The following FHIP2A variants were observed in gnomAD, a reference collection of about 807,000 sequenced individuals.
FHIP2A encodes family with sequence similarity 160 member B1.
In FHIP2A, 46 loss-of-function variants were observed where a neutral mutation model predicts 93.5. The observed-to-expected ratio is 0.49, with a 90% CI of 0.39 to 0.63. The LOEUF (loss-of-function observed/expected upper bound fraction) is 0.63, where lower values mean the gene tolerates loss of function less well. Among genes scored for constraint, FHIP2A ranks in the 20% least tolerant of loss-of-function variants. FHIP2A has a pLI of 0.00. For synonymous variants in FHIP2A, 332 were observed against 326.5 expected (o/e 1.02, Z -0.18); for missense variants, 769 against 909.7 (o/e 0.85, Z 1.99).
intron 16 of FHIP2A, among the ~76,000 whole-genome samples, chr10:114,877,455 A>G (rs548514533): frequency 3.9e-5 from 6 of 152,210 alleles, no homozygotes; most frequent in African/African-American, 1.2e-4. Flanking sequence ...TACTGTCAGT[A>G]TAATTATATA....
intron 16 of FHIP2A, among the ~76,000 whole-genome samples, chr10:114,884,036 T>G (rs2083929951): frequency 1.3e-5 from 2 of 152,236 alleles, no homozygotes; most frequent in African/African-American, 4.8e-5. Context: ...TATTTCACTA[T>G]GTAATATGCC....
At chr10:114,841,467 A>G (rs1418267050) in intron 5 of FHIP2A, among the ~76,000 whole-genome samples, 1 of 151,534 alleles carries the variant, frequency 6.6e-6, no homozygotes, top group East Asian at 1.9e-4. Context: ...TAATTTTTGT[A>G]TTTTTAGTAG....
rs529263326 is a variant in FHIP2A at position 114,824,490 on chromosome 10, C to A, written c.45+2367C>A. Among the ~76,000 whole-genome samples, 3 of 152,284 alleles carry A rather than the reference C, an allele frequency of 2.0e-5. No homozygotes were observed. The East Asian group carries it at 5.8e-4, about 29-fold the overall frequency. On this transcript the variant is annotated intron_variant, in intron 1 of 16. Transcript: ENST00000369248. ...ATTGCATTTAGAAGTGTAATGTTTTCATTTGCTTAGACCTAATGTTTTCAT... is the reference window on the plus strand; with the variant it reads ...ATTGCATTTAGAAGTGTAATGTTTTAATTTGCTTAGACCTAATGTTTTCAT...
At chr10:114,835,968 A>T (rs1453130634) in intron 4 of FHIP2A, among the ~76,000 whole-genome samples, 156 bp from the exon 5 acceptor site, 1 of 152,176 alleles carries the variant, frequency 6.6e-6, no homozygotes, top group Non-Finnish European at 1.5e-5. Flanking sequence ...GTTTATTTTG[A>T]TATAGATAAT....
chr10:114,843,329 G>A (rs1465418555), intron 6 of FHIP2A, 103 bp downstream of exon 6: 2 of 754,150 alleles, frequency 2.7e-6, no homozygotes, highest in Non-Finnish European at 3.6e-6. Context: ...TTTTTGAGAT[G>A]GAGTCTTGCT....
intron 16 of FHIP2A, among the ~76,000 whole-genome samples, chr10:114,892,743 A>G (rs10885625): frequency 0.11 from 16,819 of 152,214 alleles, 1,138 homozygotes; most frequent in East Asian, 0.2. Flanking sequence ...AACAACAGAA[A>G]ATCGTTAAAG....
At position 114,870,853 on chromosome 10, in the gene FHIP2A, A is replaced by G. The variant is rs570472731; in HGVS notation, c.2192+9519A>G. ...TTGTGTTGCTAGGCTAGGACGCTAC[A>G]AACTACATTTCTCCTTTGCTAACTG... On this transcript the variant is annotated intron_variant, in intron 16 of 16. Coordinates refer to the FHIP2A transcript ENST00000369250. Among the ~76,000 whole-genome samples, 4 of 152,242 alleles carry G rather than the reference A, an allele frequency of 2.6e-5. No individual in the cohort carries two copies. In the East Asian group the frequency reaches 7.7e-4, roughly 29 times the overall value.
At chr10:114,890,129 G>T (rs1320422805) in intron 16 of FHIP2A, among the ~76,000 whole-genome samples, 1 of 152,122 alleles carries the variant, frequency 6.6e-6, no homozygotes, top group Non-Finnish European at 1.5e-5. Flanking sequence ...CCAGGTTCAA[G>T]AAATTCTTGG....
chr10:114,836,284 A>G (rs766863899), intron 5 of FHIP2A, 38 bp downstream of exon 5: 4 of 1,473,364 alleles, frequency 2.7e-6, no homozygotes, highest in Non-Finnish European at 1.9e-6. Context: ...AACTGTAGTT[A>G]TATTAAGATC....
At position 114,845,867 on chromosome 10, in the gene FHIP2A, A is replaced by G. The variant is rs1372815478; in HGVS notation, c.1129-146A>G. The stretch of plus-strand genomic sequence containing the variant: ...ACCCAGTAGCCAACATCTAATCTAG[A>G]TTTATATGCCACCAATAAGAGGGTC... On this transcript the variant is annotated intron_variant, in intron 8 of 16. Transcript: ENST00000369248. The G allele has an allele frequency of 1.1e-5, 7 of 639,398 alleles. 1 individual carries two copies. The highest frequency in any genetic ancestry group is 1.9e-5 in the Non-Finnish European group (7 of 371,810). The allele number at this position is 639,398 out of a possible 1,614,324, so 39.6% of individuals were successfully genotyped here.
chr10:114,891,537 ATGTGTG>A (rs34032569), intron 16 of FHIP2A, among the ~76,000 whole-genome samples: 2,784 of 137,164 alleles, frequency 0.02, 86 homozygotes, highest in African/African-American at 0.071. Flanking sequence ...ATATATATAT[ATGTGTG>A]TGTGTGTGTG....
Position 114,821,877 on chromosome 10 carries a change from C to G in FHIP2A, c.-202C>G. ...GCCCTCCTCGCCGCCCGCCGCGTCC[C>G]GGCGCCCTCCGGAGCCGCCGAGCCG... On this transcript the variant is annotated 5_prime_UTR_variant, in exon 1 of 17. Transcript: ENST00000369248. 1 of 288,170 alleles carries G rather than the reference C, an allele frequency of 3.5e-6. No individual in the cohort carries two copies. 17.9% of individuals were successfully genotyped at this position (288,170 alleles called of 1,614,324 possible).
intron 7 of FHIP2A, among the ~76,000 whole-genome samples, chr10:114,844,532 T>C (rs1332609356): frequency 6.6e-6 from 1 of 152,224 alleles, no homozygotes; most frequent in Non-Finnish European, 1.5e-5. Flanking sequence ...TCTTTCTTTT[T>C]TCCACTCTAT....
intron 1 of FHIP2A, among the ~76,000 whole-genome samples, chr10:114,827,562 C>T (rs991279216): frequency 3.3e-5 from 5 of 152,134 alleles, no homozygotes; most frequent in Non-Finnish European, 7.3e-5. Flanking sequence ...CTTTGGGAGG[C>T]CAAGGCGGGC....
intron 16 of FHIP2A, among the ~76,000 whole-genome samples, chr10:114,878,593 A>T (rs867463552): frequency 1.3e-5 from 2 of 152,256 alleles, no homozygotes; most frequent in Middle Eastern, 3.4e-3. Flanking sequence ...AGCCTGGCCA[A>T]CATGGCGAAA....
intron 16 of FHIP2A, among the ~76,000 whole-genome samples, chr10:114,879,565 G>A (rs2083906472): frequency 6.6e-6 from 1 of 152,186 alleles, no homozygotes; most frequent in Non-Finnish European, 1.5e-5. Context: ...ATTTCTGTCT[G>A]TTGAATCTCC....
At chr10:114,842,434 T>A (rs1384641018) in intron 5 of FHIP2A, among the ~76,000 whole-genome samples, 1 of 152,162 alleles carries the variant, frequency 6.6e-6, no homozygotes, top group Non-Finnish European at 1.5e-5. Context: ...TGAGAGAATT[T>A]GGGGGCTTTT....
At position 114,861,622 on chromosome 10, in the gene FHIP2A, A is replaced by T; in HGVS notation, c.*82A>T. 6.5e-7 allele frequency: 1 copy of T among 1,531,806 alleles called. No homozygotes were observed. Among genetic ancestry groups the T allele is most frequent in the Admixed American group, 2.1e-5 (1 of 47,526 alleles). 94.9% of individuals were successfully genotyped at this position (1,531,806 alleles called of 1,614,324 possible). ...AGACTCAGTTCCACCCAGCCACAAG[A>T]GGATAAAAAGCCTTTTTAAACGCAG... On this transcript the variant is annotated 3_prime_UTR_variant, in exon 17 of 17. Coordinates refer to ENST00000369248, the MANE Select transcript of FHIP2A (RefSeq NM_020940.4).
chr10:114,844,421 T>A (rs199840625), intron 7 of FHIP2A, among the ~76,000 whole-genome samples: 2 of 152,216 alleles, frequency 1.3e-5, no homozygotes, highest in Non-Finnish European at 1.5e-5. Context: ...TTAAAAAGTA[T>A]AAAGCAGCAT....
Sources: gnomAD v4.1 joint callset for allele counts (sites outside exome capture counted in the v4.1 genomes callset) on GRCh38, gnomAD v4.1.1 for gene constraint, MANE v1.5 for transcripts, NCBI Gene and HGNC (gene_info 2026-07-23, HGNC 2026-07-21) for gene names.